Variants in RALGPS1 observed in about 807,000 individuals in gnomAD.
RALGPS1 encodes ras-specific guanine nucleotide-releasing factor RalGPS1.
In RALGPS1, 19 loss-of-function variants were observed where a neutral mutation model predicts 78.8. That is an observed-to-expected ratio of 0.24 (90% CI 0.17 to 0.35). The LOEUF is 0.35. Ranked by LOEUF, RALGPS1 falls within the 10% of genes least tolerant of loss-of-function variation. RALGPS1 has a pLI of 1.00. For synonymous variants in RALGPS1, 228 were observed against 256.3 expected (o/e 0.89, Z 1.06); for missense variants, 454 against 688.3 (o/e 0.66, Z 3.81).
At chr9:127,000,372 C>T (rs183656808) in intron 4 of RALGPS1, among the ~76,000 whole-genome samples, 15 of 152,098 alleles carry the variant, frequency 9.9e-5, no homozygotes, top group Middle Eastern at 3.4e-3. Flanking sequence ...TTTGCTCCCA[C>T]GCGTTTTGAT....
At chr9:127,070,223 C>G (rs2050077044) in intron 8 of RALGPS1, among the ~76,000 whole-genome samples, 1 of 152,220 alleles carries the variant, frequency 6.6e-6, no homozygotes, top group Admixed American at 6.5e-5. Flanking sequence ...AATGCTGCCA[C>G]TGATCTGACA....
chr9:127,079,465 C>G (rs1470996780), intron 8 of RALGPS1: 1 of 152,158 alleles, frequency 6.6e-6, no homozygotes, highest in Non-Finnish European at 1.5e-5. Context: ...TGAGTGTAGG[C>G]AGAACATAGT....
chr9:127,199,680 G>T (rs930896400), intron 14 of RALGPS1, among the ~76,000 whole-genome samples: 22 of 152,150 alleles, frequency 1.4e-4, no homozygotes, highest in African/African-American at 4.8e-4. Flanking sequence ...AATTCCCATC[G>T]CACAGCTCCA....
intron 7 of RALGPS1, among the ~76,000 whole-genome samples, chr9:127,060,026 C>T (rs1564504612): frequency 6.6e-6 from 1 of 152,132 alleles, no homozygotes; most frequent in Non-Finnish European, 1.5e-5. Context: ...AAAGTGCTCT[C>T]AGAGTCAAAA....
intron 8 of RALGPS1, chr9:127,108,243 C>G (rs1207937797): frequency 6.2e-7 from 1 of 1,614,114 alleles, no homozygotes; most frequent in Non-Finnish European, 8.5e-7. Flanking sequence ...CTGTCTGGTT[C>G]AGGATCCTGT....
intron 4 of RALGPS1, among the ~76,000 whole-genome samples, chr9:126,979,239 T>TTG (rs1236760912): frequency 7.6e-5 from 7 of 92,188 alleles, no homozygotes; most frequent in Non-Finnish European, 1.5e-4. Context: ...TATTGTATTA[T>TTG]TATGTGTGTG....
At chr9:126,986,056 C>T (rs2041769668) in intron 4 of RALGPS1, among the ~76,000 whole-genome samples, 1 of 152,198 alleles carries the variant, frequency 6.6e-6, no homozygotes, top group Admixed American at 6.5e-5. Context: ...TGAGCTCAGC[C>T]TTTTGAAGAT....
intron 9 of RALGPS1, 106 bp from the exon 10 acceptor site, chr9:127,168,573 G>C (rs923150525): frequency 1.2e-6 from 1 of 802,512 alleles, no homozygotes; most frequent in Admixed American, 1.9e-5. Context: ...GAGTGAATGA[G>C]TCTCAGTATC....
intron 4 of RALGPS1, among the ~76,000 whole-genome samples, chr9:127,020,604 G>A (rs1298359703): frequency 6.6e-6 from 1 of 152,250 alleles, no homozygotes; most frequent in Admixed American, 6.5e-5. Flanking sequence ...ATTCTAAAAA[G>A]GAAGGGTGGG....
At chr9:126,975,784 G>A (rs114039981) in intron 3 of RALGPS1, among the ~76,000 whole-genome samples, 194 of 152,298 alleles carry the variant, frequency 1.3e-3, no homozygotes, top group African/African-American at 4.5e-3. Context: ...TTATGCTGAT[G>A]TCAAGAGTCT....
chr9:127,156,905 A>T (rs893515803), intron 8 of RALGPS1, among the ~76,000 whole-genome samples: 2 of 152,102 alleles, frequency 1.3e-5, no homozygotes, highest in Non-Finnish European at 2.9e-5. Context: ...CTGTTTTAGG[A>T]ATGAAGTAGA....
intron 1 of RALGPS1, among the ~76,000 whole-genome samples, chr9:126,958,162 C>T (rs56069524): frequency 0.37 from 34,365 of 91,764 alleles, 7,543 homozygotes; most frequent in Non-Finnish European, 0.56. Flanking sequence ...TATATATACA[C>T]ACACACACAC....
intron 1 of RALGPS1, among the ~76,000 whole-genome samples, chr9:126,937,215 A>C (rs1038887306): frequency 6.6e-6 from 1 of 152,198 alleles, no homozygotes; most frequent in Non-Finnish European, 1.5e-5. Context: ...AATTTCTATT[A>C]TTAAATTATG....
intron 8 of RALGPS1, among the ~76,000 whole-genome samples, chr9:127,085,267 C>G (rs1433323539): frequency 6.6e-6 from 1 of 152,208 alleles, no homozygotes; most frequent in African/African-American, 2.4e-5. Context: ...AAAGTCTGGG[C>G]TTCATTGACT....
intron 9 of RALGPS1, among the ~76,000 whole-genome samples, chr9:127,168,398 A>C (rs1041985771): frequency 6.6e-6 from 1 of 152,168 alleles, no homozygotes; most frequent in South Asian, 2.1e-4. Flanking sequence ...GTGGAGGTGC[A>C]GCTCCTCCTT....
intron 8 of RALGPS1, among the ~76,000 whole-genome samples, chr9:127,116,941 C>G (rs1053355643): frequency 2.0e-5 from 3 of 152,210 alleles, no homozygotes; most frequent in African/African-American, 7.2e-5. Context: ...AGGTTTCTTA[C>G]CCACACAATC....
At chr9:126,947,955 A>T (rs1037817205) in intron 1 of RALGPS1, among the ~76,000 whole-genome samples, 1 of 152,174 alleles carries the variant, frequency 6.6e-6, no homozygotes, top group African/African-American at 2.4e-5. Flanking sequence ...TCCTTAACAG[A>T]TGACAAAAAG....
chr9:127,035,542 G>A (rs1008166319), intron 5 of RALGPS1, among the ~76,000 whole-genome samples: 3 of 152,180 alleles, frequency 2.0e-5, no homozygotes, highest in African/African-American at 7.2e-5. Context: ...TGTATGACTG[G>A]CCCTCTGGGT....
chr9:127,213,211 T>C (rs1472163916), intron 17 of RALGPS1, among the ~76,000 whole-genome samples, 162 bp downstream of exon 17: 2 of 152,248 alleles, frequency 1.3e-5, no homozygotes, highest in Non-Finnish European at 2.9e-5. Context: ...AAAAGCTGCA[T>C]AGATCATGGT....
Sources: allele counts gnomAD v4.1 joint callset (sites outside exome capture counted in the v4.1 genomes callset), GRCh38; gene constraint gnomAD v4.1.1; transcripts MANE v1.5; gene names NCBI Gene and HGNC (gene_info 2026-07-23, HGNC 2026-07-21).